SEMA5A: variants seen among roughly 807,000 people sequenced by gnomAD.
SEMA5A encodes the protein semaphorin-5A.
SEMA5A carries 55 observed loss-of-function variants against 135.5 expected under a neutral mutation model. The observed-to-expected ratio is 0.41, with a 90% confidence interval of 0.33 to 0.51. The LOEUF (loss-of-function observed/expected upper bound fraction) is 0.51. SEMA5A is among the 20% of genes least tolerant of loss of function. The pLI is 0.37. For synonymous variants in SEMA5A, 580 were observed against 546.5 expected (o/e 1.06, Z -0.85); for missense variants, 1,290 against 1,419.9 (o/e 0.91, Z 1.47).
intron 12 of SEMA5A, among the ~76,000 whole-genome samples, chr5:9,148,654 T>C (rs1742468334): frequency 6.6e-6 from 1 of 152,184 alleles, no homozygotes; most frequent in African/African-American, 2.4e-5. Context: ...GGCTACAGCA[T>C]GGAACGGGCT....
In SEMA5A at chr5:9,388,183, A is replaced by G. The variant is rs968074030; in HGVS notation, c.-77-8160T>C. ...AAAAGGACCTCATGATATAAAATGG[A>G]AAAAAGCAAACATTAAACTATTTTA... On this transcript the variant is annotated intron_variant, in intron 2 of 22. Transcript: ENST00000382496. Among the ~76,000 whole-genome samples the G allele has an allele frequency of 3.3e-5, 5 of 152,220 alleles. No individual in the cohort carries two copies. In the South Asian group the frequency reaches 6.2e-4, roughly 19 times the overall value.
chr5:9,064,865 G>A (rs1037869245), intron 17 of SEMA5A, among the ~76,000 whole-genome samples: 1 of 152,180 alleles, frequency 6.6e-6, no homozygotes, highest in African/African-American at 2.4e-5. Context: ...ACTGAAACTT[G>A]CATTTAAATT....
intron 18 of SEMA5A, among the ~76,000 whole-genome samples, chr5:9,057,825 T>C (rs914638111): frequency 2.6e-5 from 4 of 152,248 alleles, no homozygotes; most frequent in South Asian, 2.1e-4. Context: ...AATGCGGTGC[T>C]TGCTTTCTGT....
intron 1 of SEMA5A, among the ~76,000 whole-genome samples, chr5:9,486,607 G>C (rs36086793): frequency 6.6e-6 from 1 of 151,826 alleles, no homozygotes; most frequent in African/African-American, 2.4e-5. Context: ...AGTTCTAGAG[G>C]GGAAGAACAA....
intron 5 of SEMA5A, among the ~76,000 whole-genome samples, chr5:9,296,173 A>G (rs1472250575): frequency 6.6e-6 from 1 of 152,238 alleles, no homozygotes. Flanking sequence ...GAAGGAAAGA[A>G]ATAGAATCTA....
At chr5:9,300,163 A>G (rs1561123126) in intron 5 of SEMA5A, among the ~76,000 whole-genome samples, 1 of 151,928 alleles carries the variant, frequency 6.6e-6, no homozygotes, top group Non-Finnish European at 1.5e-5. Flanking sequence ...ATGTAGCTGG[A>G]CCTACAGGCA....
At chr5:9,263,099 T>C (rs1749492391) in intron 5 of SEMA5A, among the ~76,000 whole-genome samples, 1 of 151,242 alleles carries the variant, frequency 6.6e-6, no homozygotes, top group Admixed American at 6.6e-5. Context: ...GAATATTAGG[T>C]TGTTTATTGC....
At chr5:9,422,392 G>A (rs1757499183) in intron 2 of SEMA5A, 1 of 152,140 alleles carries the variant, frequency 6.6e-6, no homozygotes, top group Admixed American at 6.5e-5. Flanking sequence ...AGAATTCTGA[G>A]CCCAAAAACT....
At chr5:9,467,855 C>A (rs1250596178) in intron 1 of SEMA5A, among the ~76,000 whole-genome samples, 1 of 152,246 alleles carries the variant, frequency 6.6e-6, no homozygotes, top group South Asian at 2.1e-4. Context: ...TAAGGAAACA[C>A]TGCAGATGAA....
chr5:9,219,418 C>G (rs1431840757), intron 8 of SEMA5A, among the ~76,000 whole-genome samples: 1 of 152,118 alleles, frequency 6.6e-6, no homozygotes, highest in Non-Finnish European at 1.5e-5. Flanking sequence ...TGAGTTTTGT[C>G]TCCCAAAACT....
intron 12 of SEMA5A, among the ~76,000 whole-genome samples, chr5:9,146,908 G>T (rs1553992377): frequency 6.6e-6 from 1 of 152,150 alleles, no homozygotes; most frequent in Non-Finnish European, 1.5e-5. Flanking sequence ...ATTCTGAGGG[G>T]ATAATATTTA....
intron 1 of SEMA5A, among the ~76,000 whole-genome samples, chr5:9,447,544 C>T (rs1053557701): frequency 3.3e-5 from 5 of 152,170 alleles, no homozygotes; most frequent in African/African-American, 9.7e-5. Flanking sequence ...TTTCGCATTA[C>T]GGCATGCAGG....
At chr5:9,408,523 G>T (rs752941288) in intron 2 of SEMA5A, among the ~76,000 whole-genome samples, 4 of 152,132 alleles carry the variant, frequency 2.6e-5, no homozygotes, top group Non-Finnish European at 5.9e-5. Context: ...TTCCCTCCAT[G>T]ATATGAAACA....
chr5:9,159,244 T>C (rs922031679), intron 11 of SEMA5A, among the ~76,000 whole-genome samples: 4 of 152,220 alleles, frequency 2.6e-5, no homozygotes, highest in Admixed American at 6.5e-5. Flanking sequence ...CACTTCAATG[T>C]TGATGAATGA....
chr5:9,435,156 G>T (rs961039357), intron 2 of SEMA5A, among the ~76,000 whole-genome samples: 13 of 152,138 alleles, frequency 8.5e-5, no homozygotes, highest in African/African-American at 2.9e-4. Flanking sequence ...ATAAAAGAGG[G>T]ATATTCGAGA....
At chr5:9,283,842 C>T (rs1750660682) in intron 5 of SEMA5A, among the ~76,000 whole-genome samples, 2 of 152,190 alleles carry the variant, frequency 1.3e-5, no homozygotes, top group Non-Finnish European at 2.9e-5. Flanking sequence ...TATGCAAATG[C>T]TAGCATGTTC....
rs186789377 is a variant in SEMA5A, at chr5:9,294,012, T to A, written c.270+24360A>T. On this transcript the variant is annotated intron_variant, in intron 5 of 22. Coordinates refer to ENST00000382496, the MANE Select transcript of SEMA5A (RefSeq NM_003966.3). ...CACAGGGTAGTCCCTCTGCCAATAG[T>A]GGTATAAGTGAATTGAAAACACATT... Among the ~76,000 whole-genome samples, 116 of 152,286 alleles carry A rather than the reference T, an allele frequency of 7.6e-4. 1 individual carries two copies. The East Asian group carries it at 0.018, about 23-fold the overall frequency.
chr5:9,100,721 G>C (rs916578164), intron 16 of SEMA5A, among the ~76,000 whole-genome samples: 15 of 151,960 alleles, frequency 9.9e-5, no homozygotes, highest in Admixed American at 3.3e-4. Context: ...TTCACTCTCA[G>C]CTCCTATTCC....
chr5:9,373,770 G>A (rs1181608042), intron 3 of SEMA5A, among the ~76,000 whole-genome samples: 2 of 152,132 alleles, frequency 1.3e-5, no homozygotes, highest in Non-Finnish European at 2.9e-5. Flanking sequence ...AAGGACCCAC[G>A]CAAAGTACAG....
Sources: allele counts gnomAD v4.1 joint callset (sites outside exome capture counted in the v4.1 genomes callset), GRCh38; gene constraint gnomAD v4.1.1; transcripts MANE v1.5; gene names NCBI Gene and HGNC (gene_info 2026-07-23, HGNC 2026-07-21).